Variants in UST observed in about 807,000 individuals in gnomAD.
UST encodes the protein chondroitin sulfate 2-O-sulfotransferase.
Under a neutral mutation model 45.6 loss-of-function variants are expected in UST, and 21 were observed. The observed-to-expected ratio is 0.46, with a 90% CI of 0.33 to 0.66. The LOEUF (loss-of-function observed/expected upper bound fraction) is 0.66. Among genes scored for constraint, UST ranks in the 30% least tolerant of loss-of-function variants. The probability of loss-of-function intolerance (pLI) is 0.02; values close to 1 mark genes in which losing one functional copy is unlikely to be tolerated. For synonymous variants in UST, 215 were observed against 200.6 expected, an observed-to-expected ratio of 1.07 and a Z score of -0.61; for missense variants, 463 against 512.4, an observed-to-expected ratio of 0.90 and a Z score of 0.93.
chr6:148,759,722 C>G (rs1364176887), intron 1 of UST, among the ~76,000 whole-genome samples: 1 of 150,530 alleles, frequency 6.6e-6, no homozygotes, highest in Non-Finnish European at 1.5e-5. Context: ...GTGGTGGGCG[C>G]TTGTAGCCCC....
chr6:149,059,919 GATTTCC>G (rs1378489064), intron 7 of UST, among the ~76,000 whole-genome samples: 1 of 151,994 alleles, frequency 6.6e-6, no homozygotes, highest in East Asian at 1.9e-4. Flanking sequence ...CCTCCGGGCT[GATTTCC>G]ATTCCACAGG....
intron 1 of UST, among the ~76,000 whole-genome samples, chr6:148,843,700 T>TA (rs1462677085): frequency 6.6e-6 from 1 of 152,198 alleles, no homozygotes; most frequent in African/African-American, 2.4e-5. Flanking sequence ...ATCATCTCCC[T>TA]AAAACACCTC....
At chr6:149,005,509 G>T in intron 5 of UST, 4 of 985,374 alleles carry the variant, frequency 4.1e-6, no homozygotes, top group Non-Finnish European at 4.8e-6. Context: ...CATTTAATGA[G>T]ATAGAATTAG....
chr6:148,973,203 G>T (rs1780953828), intron 5 of UST, among the ~76,000 whole-genome samples: 1 of 151,940 alleles, frequency 6.6e-6, no homozygotes. Context: ...AATGTCTTAA[G>T]TCAGACTTTC....
intron 7 of UST, among the ~76,000 whole-genome samples, chr6:149,042,121 G>T (rs1169491797): frequency 6.6e-6 from 1 of 152,116 alleles, no homozygotes; most frequent in Non-Finnish European, 1.5e-5. Context: ...ATAATCCAGT[G>T]ACTTAGGCAC....
chr6:148,782,716 G>C (rs1380005450), intron 1 of UST, among the ~76,000 whole-genome samples: 1 of 152,156 alleles, frequency 6.6e-6, no homozygotes, highest in Non-Finnish European at 1.5e-5. Context: ...GCCTCCCAAA[G>C]TGCTGGGATT....
intron 2 of UST, among the ~76,000 whole-genome samples, chr6:148,928,290 T>C (rs1272380514): frequency 6.6e-6 from 1 of 152,236 alleles, no homozygotes; most frequent in African/African-American, 2.4e-5. Context: ...CTTAGTCAGG[T>C]CCAACTTCTT....
At chr6:149,010,011 GT>G (rs201641822) in intron 5 of UST, among the ~76,000 whole-genome samples, 1 of 147,834 alleles carries the variant, frequency 6.8e-6, no homozygotes, top group African/African-American at 2.5e-5. Context: ...TAAAATATAA[GT>G]TTTTTTAAAA....
chr6:148,795,349 C>T (rs1306258413), intron 1 of UST, among the ~76,000 whole-genome samples: 1 of 152,150 alleles, frequency 6.6e-6, no homozygotes, highest in Non-Finnish European at 1.5e-5. Context: ...GAGGCCTGTC[C>T]TGGCTGGTTA....
chr6:148,764,118 A>G (rs568923010), intron 1 of UST, among the ~76,000 whole-genome samples: 1 of 152,268 alleles, frequency 6.6e-6, no homozygotes, highest in East Asian at 1.9e-4. Context: ...GATTCTTCCA[A>G]TCCACATGCT....
intron 1 of UST, among the ~76,000 whole-genome samples, chr6:148,794,223 C>T (rs956227702): frequency 6.6e-6 from 1 of 152,176 alleles, no homozygotes; most frequent in African/African-American, 2.4e-5. Context: ...CTAGAAAACT[C>T]TTGAGTCATT....
chr6:148,899,176 T>G (rs1296149096), intron 2 of UST, among the ~76,000 whole-genome samples: 1 of 136,760 alleles, frequency 7.3e-6, no homozygotes, highest in Non-Finnish European at 1.5e-5. Context: ...CTCGGCTCAC[T>G]GCAAGCTCCG....
intron 1 of UST, among the ~76,000 whole-genome samples, chr6:148,832,831 G>A (rs1777714854): frequency 6.6e-6 from 1 of 152,174 alleles, no homozygotes; most frequent in Admixed American, 6.5e-5. Flanking sequence ...CAAAACTCCT[G>A]AAGTATTATA....
intron 2 of UST, among the ~76,000 whole-genome samples, chr6:148,918,079 C>T (rs180958733): frequency 1.3e-5 from 2 of 152,170 alleles, no homozygotes; most frequent in Non-Finnish European, 2.9e-5. Flanking sequence ...AAGAATGAAA[C>T]CCAAGCCCTC....
chr6:149,024,877 A>T (rs1776028056), intron 7 of UST, among the ~76,000 whole-genome samples: 1 of 152,138 alleles, frequency 6.6e-6, no homozygotes, highest in African/African-American at 2.4e-5. Context: ...TAACCATCTG[A>T]AGAGCTGAAT....
chr6:148,870,784 C>G (rs1778535340), intron 1 of UST, among the ~76,000 whole-genome samples: 3 of 152,212 alleles, frequency 2.0e-5, no homozygotes. Flanking sequence ...CACCCTCTTT[C>G]CTGCTCTTCC....
intron 7 of UST, among the ~76,000 whole-genome samples, chr6:149,045,596 C>T (rs1367537857): frequency 3.3e-5 from 5 of 152,122 alleles, no homozygotes; most frequent in African/African-American, 9.7e-5. Context: ...CTCTTGTCCA[C>T]CACAGGGAGG....
chr6:148,770,853 C>T (rs1290433013), intron 1 of UST, among the ~76,000 whole-genome samples: 4 of 152,034 alleles, frequency 2.6e-5, no homozygotes, highest in African/African-American at 4.8e-5. Flanking sequence ...TTTGCCTTTT[C>T]GCCTCATGCC....
chr6:149,049,923 T>TCACA lies in UST; in HGVS notation c.938-23909_938-23908insACAC, dbSNP rs1165179256. 3.2e-3 allele frequency among the ~76,000 whole-genome samples: 333 copies of TCACA among 102,912 alleles called. 2 individuals carry two copies. The highest frequency in any genetic ancestry group is 0.01 in the African/African-American group (297 of 29,076). The allele number at this position is 102,912 out of a possible 152,430, so 67.5% of individuals were successfully genotyped here. On this transcript the variant is annotated intron_variant, in intron 7 of 7. Coordinates refer to ENST00000367463, the MANE Select transcript of UST (RefSeq NM_005715.3). ...AACTCACCTTGTCTCTCTCTCTCTC[T>TCACA]CTCTCTCTCACACACACACACACAC...
Sources: gnomAD v4.1 joint callset for allele counts (sites outside exome capture counted in the v4.1 genomes callset) on GRCh38, gnomAD v4.1.1 for gene constraint, MANE v1.5 for transcripts, NCBI Gene and HGNC (gene_info 2026-07-23, HGNC 2026-07-21) for gene names.